POLK: variants seen among roughly 807,000 people sequenced by gnomAD.
POLK encodes the protein polymerase (DNA directed) kappa.
POLK carries 76 observed loss-of-function variants against 94.0 expected under a neutral mutation model. The ratio of observed to expected loss-of-function variants is 0.81; its 90% CI spans 0.67 to 0.98. POLK has a LOEUF of 0.98. Among genes scored for constraint, POLK ranks in the 50% least tolerant of loss-of-function variants. The pLI is 0.00. For missense variants in POLK, 954 were observed against 1,010.1 expected (o/e 0.94, Z 0.75); for synonymous variants, 349 against 325.4 (o/e 1.07, Z -0.78).
rs1046595414 is a variant in POLK at position 75,596,318 on chromosome 5, C to G, written c.1625C>G (p.Ala542Gly). 1.9e-6 allele frequency: 3 copies of G among 1,612,574 alleles called. No individual in the cohort carries two copies. In the Admixed American group the frequency reaches 5.0e-5, roughly 27 times the overall value. Residue 542 changes from alanine to glycine, a missense_variant, in exon 13 of 15, where the codon GCC becomes GGC. Physicochemically the swap from Ala to Gly is moderately conservative, Grantham distance 60 (BLOSUM62 0). Transcript: ENST00000241436. ...CAGGCTGGAAACCAAGCCCTGTCAG[C>G]CACTGAGTGTACATTAGAGAAAACT...
chr5:75,583,299 C>T, exon 8 of POLK: 1 of 1,587,698 alleles, frequency 6.3e-7, no homozygotes, highest in African/African-American at 1.4e-5. Flanking sequence ...TAAGGCATTG[C>T]CCCAAATACA....
At chr5:75,544,364 G>A (rs2112623542) in intron 1 of POLK, among the ~76,000 whole-genome samples, 1 of 152,126 alleles carries the variant, frequency 6.6e-6, no homozygotes, top group Admixed American at 6.5e-5. Context: ...AAAACAACAA[G>A]AGCCAGGTGT....
chr5:75,560,089 C>T (rs1770888871), intron 3 of POLK, among the ~76,000 whole-genome samples: 2 of 152,174 alleles, frequency 1.3e-5, no homozygotes, highest in South Asian at 4.1e-4. Context: ...AAACAGACTT[C>T]AGAGTAACCT....
chr5:75,559,505 G>GTTTTT lies in POLK; in HGVS notation c.255+6917_255+6921dup, dbSNP rs1561371144. 2.9e-3 allele frequency among the ~76,000 whole-genome samples: 200 copies of GTTTTT among 70,074 alleles called. 2 individuals are homozygous for GTTTTT. Among genetic ancestry groups the GTTTTT allele is most frequent in the Middle Eastern group, 8.1e-3 (1 of 124 alleles). The allele number at this position is 70,074 out of a possible 152,430, so 46.0% of individuals were successfully genotyped here. ...TTGGCAATTTATTGATTTGGGGTTT[G>GTTTTT]TTTTTTTGTTTTGTTTTGTTTTTTT... On this transcript the variant is annotated intron_variant, in intron 3 of 14. Transcript: ENST00000241436.
chr5:75,511,169 C>T (rs1025491302), upstream of POLK: 5 of 1,612,314 alleles, frequency 3.1e-6, no homozygotes, highest in Non-Finnish European at 2.5e-6. Context: ...CTGGATCCTC[C>T]TCCGAGCCCG....
intron 1 of POLK, among the ~76,000 whole-genome samples, chr5:75,541,318 A>G (rs558105340): frequency 1.3e-5 from 2 of 152,236 alleles, no homozygotes; most frequent in Admixed American, 6.5e-5. Context: ...CCAAAAAACA[A>G]AAACAAAAAC....
chr5:75,559,215 C>G (rs188321112), intron 3 of POLK, among the ~76,000 whole-genome samples: 37 of 152,090 alleles, frequency 2.4e-4, no homozygotes, highest in Non-Finnish European at 4.4e-4. Flanking sequence ...TCCAAGTACT[C>G]GATTTTATTA....
rs142644436 is a variant in POLK at position 75,577,393 on chromosome 5, T to C, written c.694+460T>C. 3.8e-4 allele frequency among the ~76,000 whole-genome samples: 58 copies of C among 152,356 alleles called. No homozygotes were observed. In the East Asian group the frequency reaches 0.01, roughly 26 times the overall value. On this transcript the variant is annotated intron_variant, in intron 6 of 14. Coordinates refer to ENST00000241436, the Ensembl canonical transcript of POLK. ...TTATTATAGCAATTATGACTGTTTT[T>C]AGCTCTGCCAAAATTAATGACTTCC... is the stretch of plus-strand genomic sequence containing the variant.
At chr5:75,573,855 G>A in exon 5 of POLK, 1 of 1,613,308 alleles carries the variant, frequency 6.2e-7, no homozygotes, top group South Asian at 1.1e-5. Flanking sequence ...CAAATACCGA[G>A]CTGTGAGTAA....
Position 75,545,803 on chromosome 5 carries a change from A to C in POLK, c.-13-1207A>C, listed in dbSNP as rs766889196. 4.9e-4 allele frequency among the ~76,000 whole-genome samples: 74 copies of C among 152,156 alleles called. 1 individual carries two copies. Among genetic ancestry groups the C allele is most frequent in the Non-Finnish European group, 1.2e-4 (8 of 68,024 alleles). On this transcript the variant is annotated intron_variant, in intron 1 of 14. Transcript: ENST00000241436. ...ATGTTTTAATCTGGGTAGAAACGTA[A>C]GTTTTCTACTCATGCCTGGGTTCCA...
upstream of POLK, among the ~76,000 whole-genome samples, chr5:75,510,896 C>T (rs1021297244): frequency 6.6e-6 from 1 of 152,176 alleles, no homozygotes; most frequent in South Asian, 2.1e-4. Context: ...CAGGTTTATA[C>T]ACCCTTTCCC....
Position 75,597,993 on chromosome 5 carries a change from A to C in POLK, c.2588A>C (p.His863Pro), listed in dbSNP as rs745512881. ...AAAATAAAACCAAACAATCCCAAAC[A>C]TACCCTTGATATATTTTTTAAGTAA... is the stretch of plus-strand genomic sequence containing the variant. The change falls in exon 15 of 15, where the codon CAT becomes CCT. Residue 863 changes from histidine (H) to proline (P), a missense_variant. His to Pro is a moderately conservative substitution (Grantham distance 77). Transcript: ENST00000241436. 19 of 1,393,410 alleles carry C rather than the reference A, an allele frequency of 1.4e-5. No homozygotes were observed. The Admixed American group carries it at 3.8e-4, about 28-fold the overall frequency. The allele number at this position is 1,393,410 out of a possible 1,614,324, so 86.3% of individuals were successfully genotyped here. A position where few individuals can be genotyped will look rare whatever the true frequency, so the allele number is the denominator to read the frequency against.
chr5:75,516,638 C>A (rs1768333577), intron 1 of POLK, among the ~76,000 whole-genome samples: 1 of 151,844 alleles, frequency 6.6e-6, no homozygotes, highest in Non-Finnish European at 1.5e-5. Context: ...GCATTCAAAG[C>A]CAGGTAACAG....
At chr5:75,581,869 C>T (rs5744671) in intron 7 of POLK, 2,227 of 180,806 alleles carry the variant, frequency 0.012, 44 homozygotes, top group African/African-American at 0.049. Context: ...TCAGTAGTGA[C>T]GGTGTTTCAC....
At chr5:75,559,505 GTTTTTTTGTTTTGTTTTGTTTTTTTTT>G (rs1770844581) in intron 3 of POLK, among the ~76,000 whole-genome samples, 3 of 70,078 alleles carry the variant, frequency 4.3e-5, no homozygotes, top group Non-Finnish European at 9.9e-5. Context: ...TTTGGGGTTT[GTTTTTTTGTTTTGTTTTGTTTTTTTTT>G]TTTTTTTTTT....
At chr5:75,527,792 T>C (rs1006017545) in intron 1 of POLK, among the ~76,000 whole-genome samples, 1 of 152,148 alleles carries the variant, frequency 6.6e-6, no homozygotes, top group African/African-American at 2.4e-5. Context: ...AAGAATTCCA[T>C]GTGTTGCTTT....
intron 1 of POLK, among the ~76,000 whole-genome samples, chr5:75,515,676 C>T (rs377145881): frequency 6.6e-6 from 1 of 152,184 alleles, no homozygotes; most frequent in Non-Finnish European, 1.5e-5. Context: ...TTCTGAGGAA[C>T]CTCCATACTG....
At chr5:75,511,832 A>C (rs909601589) in exon 1 of POLK, 33 of 1,550,474 alleles carry the variant, frequency 2.1e-5, no homozygotes, top group African/African-American at 2.7e-5. Context: ...GTAGGGATGC[A>C]GCTGTGCTGC....
chr5:75,593,988 G>C, exon 12 of POLK: 1 of 1,612,170 alleles, frequency 6.2e-7, no homozygotes, highest in Non-Finnish European at 8.5e-7. Context: ...CCATTGCTAA[G>C]GAATTGCTAA....
Sources: allele counts gnomAD v4.1 joint callset (sites outside exome capture counted in the v4.1 genomes callset), GRCh38; gene constraint gnomAD v4.1.1; transcripts MANE v1.5; gene names NCBI Gene and HGNC (gene_info 2026-07-23, HGNC 2026-07-21).